CFH: variants seen among roughly 807,000 people sequenced by gnomAD.
CFH encodes the protein H factor 1 (complement).
In CFH, 53 loss-of-function variants were observed where a neutral mutation model predicts 147.3. That is an observed-to-expected ratio of 0.36 (90% CI 0.29 to 0.45). The LOEUF (loss-of-function observed/expected upper bound fraction) is 0.45, where lower values mean the gene tolerates loss of function less well. Among genes scored for constraint, CFH ranks in the 20% least tolerant of loss-of-function variants. CFH has a pLI of 1.00. For missense variants in CFH, 1,380 were observed against 1,498.0 expected, an observed-to-expected ratio of 0.92 and a Z score of 1.30; for synonymous variants, 536 against 489.4, an observed-to-expected ratio of 1.10 and a Z score of -1.26.
chr1:196,675,365 A>G (rs1373588530), intron 3 of CFH, among the ~76,000 whole-genome samples: 2 of 152,160 alleles, frequency 1.3e-5, no homozygotes, highest in East Asian at 3.9e-4. Flanking sequence ...AAAAATCTCT[A>G]CGATAGAGAT....
intron 1 of CFH, among the ~76,000 whole-genome samples, chr1:196,665,006 T>A (rs1323239065): frequency 6.6e-6 from 1 of 151,796 alleles, no homozygotes; most frequent in Non-Finnish European, 1.5e-5. Flanking sequence ...TCCAGCAAAA[T>A]TGATTATCAT....
chr1:196,737,640 G>T lies in CFH; in HGVS notation c.2762G>T (p.Ser921Ile). 6.2e-7 allele frequency: 1 copy of T among 1,613,340 alleles called. No homozygotes were observed. The highest frequency in any genetic ancestry group is 2.2e-5 in the East Asian group (1 of 44,728). ...ACAACATGCTACATGGGAAAATGGA[G>T]TTCTCCACCTCAGTGTGAAGGTTAG... ...NETTCYMGKW[S>I]SPPQCEGLPC... Residue 921 changes from serine (S) to isoleucine (I), a missense_variant, in exon 17 of 22, where the codon AGT becomes ATT. Physicochemically the swap from Ser to Ile is moderately radical, Grantham distance 142. This residue lies in a region of CFH where 830 missense variants were observed against 821.4 expected (regional missense o/e 1.01). Coordinates refer to ENST00000367429, the MANE Select transcript of CFH (RefSeq NM_000186.4).
Position 196,677,502 on chromosome 1 carries a change from C to A in CFH, c.454C>A (p.Pro152Thr), listed in dbSNP as rs1335201542. 1.2e-6 allele frequency: 2 copies of A among 1,612,912 alleles called. No homozygotes were observed. Among genetic ancestry groups the A allele is most frequent in the African/African-American group, 1.3e-5 (1 of 74,892 alleles). Reference protein sequence around the residue: ...EVVKCLPVTAPENGKIVSSAM... With the variant: ...EVVKCLPVTATENGKIVSSAM... ...TGTGAAGTGTTTACCAGTGACAGCA[C>A]CAGAGAATGGAAAAATTGTCAGTAG... Residue 152 changes from proline (P) to threonine (T), a missense_variant, in exon 5 of 22, where the codon CCA becomes ACA. Physicochemically the swap from Pro to Thr is conservative, Grantham distance 38. Transcript: ENST00000367429.
At chr1:196,662,465 A>G (rs2149070671) in intron 1 of CFH, among the ~76,000 whole-genome samples, 1 of 151,874 alleles carries the variant, frequency 6.6e-6, no homozygotes, top group South Asian at 2.1e-4. Context: ...AACATTTACC[A>G]TTTTCTTTGT....
chr1:196,726,031 C>T (rs3766405), intron 12 of CFH, among the ~76,000 whole-genome samples: 69,804 of 151,968 alleles, frequency 0.46, 16,349 homozygotes, highest in South Asian at 0.56. Flanking sequence ...GTGTGGGCTG[C>T]AACTTAAGTT....
chr1:196,663,130 T>C (rs1458148123), intron 1 of CFH, among the ~76,000 whole-genome samples: 1 of 152,140 alleles, frequency 6.6e-6, no homozygotes, highest in South Asian at 2.1e-4. Context: ...TATAGGTGTG[T>C]TTTTTTACTG....
intron 6 of CFH, among the ~76,000 whole-genome samples, chr1:196,681,268 T>G (rs1667644524): frequency 6.6e-6 from 1 of 151,836 alleles, no homozygotes; most frequent in Admixed American, 6.6e-5. Context: ...TCTGGGAATT[T>G]AGTTTTATTT....
intron 6 of CFH, among the ~76,000 whole-genome samples, chr1:196,683,313 T>C (rs1335905765): frequency 6.6e-6 from 1 of 151,708 alleles, no homozygotes; most frequent in East Asian, 1.9e-4. Context: ...CCATAATATG[T>C]ACCAGTGACT....
At chr1:196,692,967 T>C (rs1005924333) in intron 9 of CFH, among the ~76,000 whole-genome samples, 1 of 147,380 alleles carries the variant, frequency 6.8e-6, no homozygotes, top group South Asian at 2.2e-4. Flanking sequence ...CTGGCTCAAG[T>C]TATTCTTAAG....
At chr1:196,669,030 T>C (rs1437080344) in intron 1 of CFH, among the ~76,000 whole-genome samples, 1 of 152,140 alleles carries the variant, frequency 6.6e-6, no homozygotes, top group African/African-American at 2.4e-5. Flanking sequence ...ATGCTGATAG[T>C]GATCTGGAAT....
At position 196,726,762 on chromosome 1, in the gene CFH, G is replaced by A. The variant is rs541280297; in HGVS notation, c.2058G>A (p.Val686=). ...ACTTTTTTTGTAAAATTTACATAGT[G>A]GAGGAGAGTACCTGTGGAGATATAC... ...GEWTTLPVCI[V]EESTCGDIPE... Residue 686 remains valine (V), a splice_region_variant and synonymous_variant, in exon 14 of 22, where the codon GTG becomes GTA. Coordinates refer to ENST00000367429, the MANE Select transcript of CFH (RefSeq NM_000186.4). 73 of 1,613,636 alleles carry A rather than the reference G, an allele frequency of 4.5e-5. 2 individuals carry two copies. In the South Asian group the frequency reaches 7.2e-4, roughly 16 times the overall value.
At chr1:196,700,762 A>G in intron 9 of CFH, 1 of 956,628 alleles carries the variant, frequency 1.0e-6, no homozygotes, top group Non-Finnish European at 1.2e-6. Flanking sequence ...CCCAGAGAGA[A>G]GCTCAAGAAG....
intron 7 of CFH, 114 bp downstream of exon 7, chr1:196,685,351 G>A (rs1667791190): frequency 9.0e-7 from 1 of 1,115,720 alleles, no homozygotes; most frequent in Non-Finnish European, 1.3e-6. Flanking sequence ...TACAAAGTAA[G>A]GCTGTTGGAA....
chr1:196,705,723 T>C (rs920206110), intron 9 of CFH, among the ~76,000 whole-genome samples: 1 of 152,112 alleles, frequency 6.6e-6, no homozygotes, highest in African/African-American at 2.4e-5. Context: ...CTGGCACCAC[T>C]TGTGATCTTC....
chr1:196,704,943 C>T (rs998904524), intron 9 of CFH, among the ~76,000 whole-genome samples: 2 of 152,180 alleles, frequency 1.3e-5, no homozygotes, highest in African/African-American at 4.8e-5. Context: ...ATGCCTTCAT[C>T]TGTATTCCCC....
intron 11 of CFH, among the ~76,000 whole-genome samples, chr1:196,721,313 A>G (rs1448871550): frequency 1.3e-5 from 2 of 151,818 alleles, no homozygotes; most frequent in African/African-American, 4.8e-5. Flanking sequence ...TTAATTCACA[A>G]TCACCCAGAA....
In CFH at chr1:196,675,942, A is replaced by G. The variant is rs758497308; in HGVS notation, c.351-47A>G. The G allele has an allele frequency of 3.2e-6, 4 of 1,250,220 alleles. No homozygotes were observed. The Admixed American group carries it at 5.1e-5, about 16-fold the overall frequency. 77.4% of individuals were successfully genotyped at this position (1,250,220 alleles called of 1,614,324 possible). On this transcript the variant is annotated intron_variant, in intron 3 of 21. Coordinates refer to ENST00000367429, the MANE Select transcript of CFH (RefSeq NM_000186.4). Reference sequence around the variant, plus strand: ...AGAATGGCATCGAGTTTAAAACTGCATGTAAACACACATTATGTCAACGTT... The same window carrying G: ...AGAATGGCATCGAGTTTAAAACTGCGTGTAAACACACATTATGTCAACGTT...
At chr1:196,667,637 A>G (rs1354432091) in intron 1 of CFH, among the ~76,000 whole-genome samples, 3 of 152,144 alleles carry the variant, frequency 2.0e-5, no homozygotes, top group Non-Finnish European at 4.4e-5. Flanking sequence ...ATCCAGTCAG[A>G]CAATCTTTGT....
chr1:196,716,250 G>A (rs1349892044), intron 11 of CFH, among the ~76,000 whole-genome samples: 1 of 152,006 alleles, frequency 6.6e-6, no homozygotes, highest in Non-Finnish European at 1.5e-5. Flanking sequence ...ATTTTTCAGG[G>A]TTAGAAGAAG....
Sources: allele counts gnomAD v4.1 joint callset (sites outside exome capture counted in the v4.1 genomes callset), GRCh38; gene constraint gnomAD v4.1.1; regional missense constraint gnomAD v4.1.1; transcripts MANE v1.5; gene names NCBI Gene and HGNC (gene_info 2026-07-23, HGNC 2026-07-21).